The following CAMK1D variants were observed in gnomAD, a reference collection of about 807,000 sequenced individuals.
The protein encoded by CAMK1D is calcium/calmodulin-dependent protein kinase type 1D.
In CAMK1D, 9 loss-of-function variants were observed where a neutral mutation model predicts 47.7. That is an observed-to-expected ratio of 0.19 (90% CI 0.11 to 0.33). The LOEUF (loss-of-function observed/expected upper bound fraction) is 0.33. CAMK1D is among the 10% of genes least tolerant of loss of function. The pLI is 1.00. For missense variants in CAMK1D, 291 were observed against 488.7 expected, an observed-to-expected ratio of 0.60 and a Z score of 3.81; for synonymous variants, 184 against 184.9, an observed-to-expected ratio of 0.99 and a Z score of 0.04.
intron 2 of CAMK1D, among the ~76,000 whole-genome samples, chr10:12,588,687 G>GA (rs1195329530): frequency 6.6e-6 from 1 of 151,932 alleles, no homozygotes; most frequent in Non-Finnish European, 1.5e-5. Flanking sequence ...CGACATCCAA[G>GA]AAAACCACAA....
At chr10:12,379,924 G>A (rs2724782) in intron 1 of CAMK1D, among the ~76,000 whole-genome samples, 12,222 of 151,962 alleles carry the variant, frequency 0.08, 566 homozygotes, top group Admixed American at 0.092. Flanking sequence ...TAAAAAAAAG[G>A]GTGTTGTTGG....
chr10:12,783,324 C>T (rs1046361342), intron 5 of CAMK1D, among the ~76,000 whole-genome samples: 1 of 152,158 alleles, frequency 6.6e-6, no homozygotes, highest in African/African-American at 2.4e-5. Context: ...TATCTTCTGG[C>T]ATCGAGGACT....
Position 12,827,316 on chromosome 10 carries a change from C to CTTTCTTTCTT in CAMK1D, c.1040-1444_1040-1443insTTTTCTTTCT, listed in dbSNP as rs1270748484. 7.0e-4 allele frequency among the ~76,000 whole-genome samples: 75 copies of CTTTCTTTCTT among 107,142 alleles called. 1 individual carries two copies. Among genetic ancestry groups the CTTTCTTTCTT allele is most frequent in the African/African-American group, 2.0e-3 (59 of 29,306 alleles). 70.3% of individuals were successfully genotyped at this position (107,142 alleles called of 152,430 possible). A position where few individuals can be genotyped will look rare whatever the true frequency, so the allele number is the denominator to read the frequency against. ...CTTTCTTTCTCTCTCTTTTTCTTTT[C>CTTTCTTTCTT]TTTCTTTCTCTCTCTTCTCTTCCTT... On this transcript the variant is annotated intron_variant, in intron 10 of 10. Coordinates refer to ENST00000619168, the MANE Select transcript of CAMK1D (RefSeq NM_153498.4).
At chr10:12,501,502 G>A (rs774140629) in intron 1 of CAMK1D, among the ~76,000 whole-genome samples, 85 of 152,286 alleles carry the variant, frequency 5.6e-4, no homozygotes, top group Admixed American at 8.5e-4. Context: ...TTCCTTTCAG[G>A]TATTTACATA....
chr10:12,644,031 A>G (rs898621743), intron 2 of CAMK1D, among the ~76,000 whole-genome samples: 15 of 152,180 alleles, frequency 9.9e-5, no homozygotes, highest in African/African-American at 3.4e-4. Context: ...ATTATACATT[A>G]CAATGTAACA....
At chr10:12,529,893 T>G (rs1835749910) in intron 1 of CAMK1D, among the ~76,000 whole-genome samples, 1 of 152,200 alleles carries the variant, frequency 6.6e-6, no homozygotes, top group Non-Finnish European at 1.5e-5. Flanking sequence ...AAGCCCTTTT[T>G]CCCCATATTA....
At chr10:12,514,305 T>A (rs567955605) in intron 1 of CAMK1D, among the ~76,000 whole-genome samples, 4 of 152,250 alleles carry the variant, frequency 2.6e-5, no homozygotes, top group Non-Finnish European at 4.4e-5. Flanking sequence ...CTACTTATTA[T>A]GCAAATTCGG....
chr10:12,515,552 A>T (rs930027041), intron 1 of CAMK1D, among the ~76,000 whole-genome samples: 3 of 130,720 alleles, frequency 2.3e-5, no homozygotes, highest in South Asian at 2.9e-4. Flanking sequence ...ATATCTCCCA[A>T]TGCTATCCCT....
chr10:12,820,318 G>A (rs371466735), intron 8 of CAMK1D, among the ~76,000 whole-genome samples: 8 of 152,180 alleles, frequency 5.3e-5, no homozygotes, highest in South Asian at 4.1e-4. Flanking sequence ...CACCATGCCC[G>A]GCCTACAGTA....
rs1833471641 is a variant in CAMK1D, at chr10:12,834,436, CTGTGCA to C, written c.*5551_*5556del. 1 of 152,134 alleles carries C rather than the reference CTGTGCA, an allele frequency of 6.6e-6. No homozygotes were observed. Among genetic ancestry groups the C allele is most frequent in the Non-Finnish European group, 1.5e-5 (1 of 68,042 alleles). The allele number at this position is 152,134 out of a possible 1,614,324, so 9.4% of individuals were successfully genotyped here. ...CTCCGCTTTTGCAAACCCAAAAAGG[CTGTGCA>C]TTTGGAAGCCAAACGCTCAGCATGC... On this transcript the variant is annotated 3_prime_UTR_variant, in exon 11 of 11. Transcript: ENST00000619168.
chr10:12,447,394 C>T (rs1030216745), intron 1 of CAMK1D, among the ~76,000 whole-genome samples: 72 of 152,172 alleles, frequency 4.7e-4, no homozygotes, highest in African/African-American at 1.7e-3. Flanking sequence ...TAGTTTTTTC[C>T]TTTTTTAAAA....
intron 5 of CAMK1D, among the ~76,000 whole-genome samples, chr10:12,780,145 T>G (rs997631989): frequency 6.6e-6 from 1 of 152,200 alleles, no homozygotes; most frequent in Non-Finnish European, 1.5e-5. Flanking sequence ...TGGTGTTAAT[T>G]CAGGGATCAC....
chr10:12,702,772 G>A (rs1490292279), intron 3 of CAMK1D, among the ~76,000 whole-genome samples: 2 of 152,186 alleles, frequency 1.3e-5, no homozygotes, highest in African/African-American at 4.8e-5. Flanking sequence ...GGAGAGAGAG[G>A]TAAAGAAGAT....
chr10:12,505,774 A>C (rs1834850752), intron 1 of CAMK1D, among the ~76,000 whole-genome samples: 1 of 152,150 alleles, frequency 6.6e-6, no homozygotes, highest in Non-Finnish European at 1.5e-5. Flanking sequence ...TAGGGCCAGG[A>C]CTTGATGCTC....
chr10:12,524,365 T>G (rs1464079176), intron 1 of CAMK1D, among the ~76,000 whole-genome samples: 2 of 152,236 alleles, frequency 1.3e-5, no homozygotes, highest in East Asian at 3.8e-4. Context: ...TAGACTTGTT[T>G]AGTGTTTCCT....
chr10:12,412,330 C>T (rs1839685696), intron 1 of CAMK1D, among the ~76,000 whole-genome samples: 1 of 151,752 alleles, frequency 6.6e-6, no homozygotes, highest in East Asian at 1.9e-4. Context: ...AAAAGTGGGG[C>T]TGGGTGCGGT....
intron 2 of CAMK1D, among the ~76,000 whole-genome samples, chr10:12,606,196 CAG>C (rs1303194887): frequency 6.8e-6 from 1 of 146,924 alleles, no homozygotes; most frequent in Non-Finnish European, 1.5e-5. Flanking sequence ...TCAGGGACCA[CAG>C]GGGAGGGAGC....
In CAMK1D at chr10:12,816,999, T is replaced by A. The variant is rs60268666; in HGVS notation, c.833+671T>A. Among the ~76,000 whole-genome samples the A allele has an allele frequency of 7.4e-3, 1,067 of 144,896 alleles. 12 individuals carry two copies. The highest frequency in any genetic ancestry group is 0.025 in the African/African-American group (997 of 39,594). ...CACAATCGTGGTGGAAGGCAAGGAGTAGCAAGTCATATCTTACATGGATGG... is the reference window on the plus strand; with the variant it reads ...CACAATCGTGGTGGAAGGCAAGGAGAAGCAAGTCATATCTTACATGGATGG... On this transcript the variant is annotated intron_variant, in intron 8 of 10. Coordinates refer to ENST00000619168, the MANE Select transcript of CAMK1D (RefSeq NM_153498.4).
chr10:12,426,958 G>A (rs943548866), intron 1 of CAMK1D, among the ~76,000 whole-genome samples: 11 of 152,088 alleles, frequency 7.2e-5, no homozygotes, highest in African/African-American at 9.7e-5. Context: ...CAAGTGATCC[G>A]CCTGCCTCGG....
Sources: allele counts gnomAD v4.1 joint callset (sites outside exome capture counted in the v4.1 genomes callset), GRCh38; gene constraint gnomAD v4.1.1; transcripts MANE v1.5; gene names NCBI Gene and HGNC (gene_info 2026-07-23, HGNC 2026-07-21).